The following RCAN2 variants were observed in gnomAD, a reference collection of about 807,000 sequenced individuals.
RCAN2 encodes the protein regulator of calcineurin 2.
RCAN2 carries 9 observed loss-of-function variants against 23.6 expected under a neutral mutation model. The ratio of observed to expected loss-of-function variants is 0.38; its 90% confidence interval spans 0.23 to 0.67. The LOEUF (loss-of-function observed/expected upper bound fraction) is 0.67, where lower values mean the gene tolerates loss of function less well. Ranked by LOEUF, RCAN2 falls within the 30% of genes least tolerant of loss-of-function variation. RCAN2 has a pLI of 0.51. For missense variants in RCAN2, 273 were observed against 302.3 expected, an observed-to-expected ratio of 0.90 and a Z score of 0.72; for synonymous variants, 109 against 115.7, an observed-to-expected ratio of 0.94 and a Z score of 0.37.
At chr6:46,324,946 C>T (rs1387321694) in intron 2 of RCAN2, among the ~76,000 whole-genome samples, 1 of 152,260 alleles carries the variant, frequency 6.6e-6, no homozygotes, top group African/African-American at 2.4e-5. Flanking sequence ...TTGAAGACCA[C>T]ATCACAGGAT....
intron 2 of RCAN2, among the ~76,000 whole-genome samples, chr6:46,356,241 C>T (rs1764826892): frequency 6.6e-6 from 1 of 152,202 alleles, no homozygotes; most frequent in Admixed American, 6.5e-5. Flanking sequence ...TGAACTGACA[C>T]ATATCAAAGG....
intron 2 of RCAN2, among the ~76,000 whole-genome samples, chr6:46,400,175 G>T (rs1766209509): frequency 6.6e-6 from 1 of 152,202 alleles, no homozygotes; most frequent in Non-Finnish European, 1.5e-5. Context: ...CTACTGTGGG[G>T]TGAGGGGGCT....
At chr6:46,297,928 A>G (rs1020318671) in intron 2 of RCAN2, among the ~76,000 whole-genome samples, 3 of 152,142 alleles carry the variant, frequency 2.0e-5, no homozygotes, top group Non-Finnish European at 4.4e-5. Context: ...ACTTCTTTCT[A>G]AAGAGGAGAG....
At chr6:46,265,930 G>C (rs1767312235) in intron 2 of RCAN2, among the ~76,000 whole-genome samples, 1 of 152,182 alleles carries the variant, frequency 6.6e-6, no homozygotes, top group Non-Finnish European at 1.5e-5. Context: ...GCAGCTAGTA[G>C]AAATAATAAT....
rs1254785026 is a variant in RCAN2 at position 46,405,311 on chromosome 6, G to A, written c.225+51441C>T. 2.6e-5 allele frequency among the ~76,000 whole-genome samples: 4 copies of A among 152,014 alleles called. No individual in the cohort carries two copies. The East Asian group carries it at 7.7e-4, about 29-fold the overall frequency. The stretch of plus-strand genomic sequence containing the variant: ...CAGCAGCAAGAGTTATTGCAAAGAG[G>A]GAAAGAACAAAGCTTCCACAGGGTG... On this transcript the variant is annotated intron_variant, in intron 2 of 4. Coordinates refer to ENST00000371374, the MANE Select transcript of RCAN2 (RefSeq NM_001251974.2).
chr6:46,392,018 G>A (rs1229272434), intron 2 of RCAN2, among the ~76,000 whole-genome samples: 1 of 152,202 alleles, frequency 6.6e-6, no homozygotes, highest in African/African-American at 2.4e-5. Context: ...GCCGAATGGT[G>A]GAGATTTTGC....
chr6:46,345,568 A>G (rs1338714321), intron 2 of RCAN2, among the ~76,000 whole-genome samples: 2 of 152,148 alleles, frequency 1.3e-5, no homozygotes, highest in Admixed American at 1.3e-4. Flanking sequence ...TTCTCGTCAT[A>G]TAATACAGGG....
intron 1 of RCAN2, among the ~76,000 whole-genome samples, chr6:46,488,473 T>TC (rs1177249018): frequency 6.6e-6 from 1 of 152,236 alleles, no homozygotes; most frequent in Non-Finnish European, 1.5e-5. Flanking sequence ...ACTGAGTTCA[T>TC]ACTACCACTT....
chr6:46,235,423 G>A (rs191161581), intron 4 of RCAN2, among the ~76,000 whole-genome samples: 4 of 152,278 alleles, frequency 2.6e-5, no homozygotes, highest in African/African-American at 7.2e-5. Flanking sequence ...CTTCTTTCCA[G>A]GACATTCTTT....
At chr6:46,394,102 C>T (rs1288211721) in intron 2 of RCAN2, among the ~76,000 whole-genome samples, 1 of 152,200 alleles carries the variant, frequency 6.6e-6, no homozygotes, top group Non-Finnish European at 1.5e-5. Context: ...TCCTCTGTGA[C>T]AATACCCAGC....
chr6:46,442,246 CAA>C (rs1767570102), intron 2 of RCAN2, among the ~76,000 whole-genome samples: 1 of 152,192 alleles, frequency 6.6e-6, no homozygotes, highest in Admixed American at 6.5e-5. Flanking sequence ...CAACAGAACT[CAA>C]GAGTTACCTT....
At chr6:46,223,388 G>T in intron 4 of RCAN2, 87 bp from the exon 5 acceptor site, 2 of 1,264,850 alleles carry the variant, frequency 1.6e-6, no homozygotes, top group Non-Finnish European at 2.2e-6. Context: ...AATGACAGGA[G>T]CATTTTCCAG....
intron 2 of RCAN2, among the ~76,000 whole-genome samples, chr6:46,353,904 TA>T (rs1764743827): frequency 6.6e-6 from 1 of 152,210 alleles, no homozygotes; most frequent in South Asian, 2.1e-4. Context: ...ATTGCATGCA[TA>T]AATGACATTT....
At chr6:46,276,298 C>A (rs1253101392) in intron 2 of RCAN2, among the ~76,000 whole-genome samples, 2 of 152,138 alleles carry the variant, frequency 1.3e-5, no homozygotes, top group East Asian at 3.9e-4. Context: ...GAGGTTTCCT[C>A]GGAATATCTG....
chr6:46,399,673 T>C (rs1437781104), intron 2 of RCAN2, among the ~76,000 whole-genome samples: 1 of 151,940 alleles, frequency 6.6e-6, no homozygotes, highest in Non-Finnish European at 1.5e-5. Context: ...ATCCCTCCAC[T>C]CCTGGCTTCT....
intron 2 of RCAN2, among the ~76,000 whole-genome samples, chr6:46,307,372 A>T (rs548010952): frequency 6.6e-6 from 1 of 152,256 alleles, no homozygotes; most frequent in African/African-American, 2.4e-5. Flanking sequence ...CTCTGGCAGA[A>T]ATCAAAGCCC....
At chr6:46,253,863 A>G in intron 2 of RCAN2, among the ~76,000 whole-genome samples, 1 of 152,192 alleles carries the variant, frequency 6.6e-6, no homozygotes, top group East Asian at 1.9e-4. Context: ...AAAATTGCCT[A>G]CCGAATTCAG....
chr6:46,252,689 A>C (rs547761694), intron 2 of RCAN2, among the ~76,000 whole-genome samples: 2 of 152,302 alleles, frequency 1.3e-5, no homozygotes, highest in South Asian at 4.1e-4. Context: ...AAAAAGTTTA[A>C]TGAGAAGATT....
chr6:46,304,883 G>A (rs149749110), intron 2 of RCAN2, among the ~76,000 whole-genome samples: 2 of 152,102 alleles, frequency 1.3e-5, no homozygotes, highest in African/African-American at 4.8e-5. Flanking sequence ...TTACTAGAAC[G>A]GGGGGTGCCC....
Sources: allele counts gnomAD v4.1 joint callset (sites outside exome capture counted in the v4.1 genomes callset), GRCh38; gene constraint gnomAD v4.1.1; transcripts MANE v1.5; gene names NCBI Gene and HGNC (gene_info 2026-07-23, HGNC 2026-07-21).